Variants in DDAH1 observed in about 807,000 individuals in gnomAD.
The protein encoded by DDAH1 is N(G),N(G)-dimethylarginine dimethylaminohydrolase 1.
DDAH1 carries 19 observed loss-of-function variants against 28.8 expected under a neutral mutation model. That is an observed-to-expected ratio of 0.66 (90% CI 0.46 to 0.97). DDAH1 has a LOEUF of 0.97. DDAH1 is among the 50% of genes least tolerant of loss of function. The probability of loss-of-function intolerance (pLI) is 0.00; values close to 1 mark genes in which losing one functional copy is unlikely to be tolerated. For missense variants in DDAH1, 326 were observed against 375.9 expected (o/e 0.87, Z 1.10); for synonymous variants, 153 against 154.4 (o/e 0.99, Z 0.07).
chr1:85,512,188 G>T (rs1354074126), intron 1 of DDAH1, among the ~76,000 whole-genome samples: 1 of 152,100 alleles, frequency 6.6e-6, no homozygotes, highest in African/African-American at 2.4e-5. Context: ...TGCAAGGCTG[G>T]TTCAACATAC....
chr1:85,513,663 A>G (rs556375535), intron 1 of DDAH1, among the ~76,000 whole-genome samples: 1 of 152,194 alleles, frequency 6.6e-6, no homozygotes, highest in Non-Finnish European at 1.5e-5. Context: ...AAGAAAAAAA[A>G]CAAACAACCC....
At chr1:85,472,345 G>A (rs1655646312) in intron 2 of DDAH1, among the ~76,000 whole-genome samples, 1 of 152,158 alleles carries the variant, frequency 6.6e-6, no homozygotes, top group Non-Finnish European at 1.5e-5. Context: ...CTACATGGCT[G>A]TCCATACTTT....
intron 1 of DDAH1, among the ~76,000 whole-genome samples, chr1:85,443,343 G>A (rs1459663384): frequency 2.6e-5 from 4 of 152,142 alleles, no homozygotes; most frequent in Non-Finnish European, 5.9e-5. Context: ...TTGTAGATGT[G>A]TGGTATTATT....
rs184549855 is a variant in DDAH1, at chr1:85,318,993, A to C, written c.*2459T>G. ...AGTAATTCTGACTTAACTTTTACTT[A>C]GTTAAATATAATTTCTCCTGTCTTT... On this transcript the variant is annotated 3_prime_UTR_variant, in exon 6 of 6. Coordinates refer to ENST00000284031, the MANE Select transcript of DDAH1 (RefSeq NM_012137.4). The C allele has an allele frequency of 2.8e-4, 43 of 152,366 alleles. No individual in the cohort carries two copies. The highest frequency in any genetic ancestry group is 1.0e-3 in the African/African-American group (43 of 41,598). 9.4% of individuals were successfully genotyped at this position (152,366 alleles called of 1,614,324 possible).
intron 4 of DDAH1, among the ~76,000 whole-genome samples, chr1:85,334,568 TG>T (rs1647991243): frequency 6.6e-6 from 1 of 152,158 alleles, no homozygotes; most frequent in Non-Finnish European, 1.5e-5. Context: ...TCACAAGATC[TG>T]ATGGTTTAAA....
In DDAH1 at chr1:85,442,977, G is replaced by C. The variant is rs560285016; in HGVS notation, c.303+21766C>G. On this transcript the variant is annotated intron_variant, in intron 1 of 5. Transcript: ENST00000284031. ...AAAATTTTCTCCCATTCTGTAGGCT[G>C]CCTGTTCACTGTGATGGTAGTTTCT... 7.9e-5 allele frequency among the ~76,000 whole-genome samples: 12 copies of C among 152,306 alleles called. No individual in the cohort carries two copies. The East Asian group carries it at 2.1e-3, about 27-fold the overall frequency.
intron 1 of DDAH1, among the ~76,000 whole-genome samples, chr1:85,511,359 A>T (rs1183624137): frequency 6.6e-6 from 1 of 152,232 alleles, no homozygotes; most frequent in Non-Finnish European, 1.5e-5. Flanking sequence ...CAGTGTGTAG[A>T]GGGAAATTTA....
intron 1 of DDAH1, chr1:85,404,525 T>C (rs1652312746): frequency 7.1e-7 from 1 of 1,400,264 alleles, no homozygotes; most frequent in Non-Finnish European, 9.3e-7. Flanking sequence ...GAGCAAATAA[T>C]AACACTAACT....
chr1:85,488,365 T>C (rs187726670), intron 2 of DDAH1: 1 of 152,270 alleles, frequency 6.6e-6, no homozygotes, highest in Non-Finnish European at 1.5e-5. Flanking sequence ...TTCCTGGTTT[T>C]CAGATGGCTT....
At chr1:85,395,097 G>T (rs749027030) in intron 1 of DDAH1, among the ~76,000 whole-genome samples, 10 of 152,044 alleles carry the variant, frequency 6.6e-5, no homozygotes, top group Non-Finnish European at 1.3e-4. Context: ...ATTATAAAAA[G>T]TCATGAGAAT....
intron 1 of DDAH1, among the ~76,000 whole-genome samples, chr1:85,511,862 C>T (rs1337029639): frequency 2.6e-5 from 4 of 152,082 alleles, no homozygotes; most frequent in Non-Finnish European, 4.4e-5. Flanking sequence ...AATCAATAGC[C>T]TACCAACCAA....
chr1:85,567,134 CTCAG>C, intron 1 of DDAH1, among the ~76,000 whole-genome samples: 1 of 152,220 alleles, frequency 6.6e-6, no homozygotes, highest in African/African-American at 2.4e-5. Context: ...ATCTGCTTTA[CTCAG>C]TCTACTGATT....
chr1:85,438,516 G>T (rs1023103365), intron 1 of DDAH1, among the ~76,000 whole-genome samples: 1 of 152,126 alleles, frequency 6.6e-6, no homozygotes. Flanking sequence ...GGAAATGACT[G>T]CAGACTTCTG....
chr1:85,503,738 T>C (rs902022965), intron 1 of DDAH1, among the ~76,000 whole-genome samples: 4 of 151,764 alleles, frequency 2.6e-5, no homozygotes, highest in Non-Finnish European at 5.9e-5. Flanking sequence ...CAGTGGTAAG[T>C]GATGAGAAGA....
At chr1:85,400,691 C>T (rs1652059610) in intron 1 of DDAH1, among the ~76,000 whole-genome samples, 1 of 152,170 alleles carries the variant, frequency 6.6e-6, no homozygotes, top group Non-Finnish European at 1.5e-5. Flanking sequence ...ATTTTCACTT[C>T]TCAGAATCTG....
chr1:85,424,754 A>AT (rs970368999), intron 1 of DDAH1, among the ~76,000 whole-genome samples: 1 of 151,878 alleles, frequency 6.6e-6, no homozygotes, highest in Non-Finnish European at 1.5e-5. Context: ...ATTAAATTTA[A>AT]TTTTTTTTAA....
chr1:85,544,754 G>A (rs1658569464), intron 1 of DDAH1, among the ~76,000 whole-genome samples: 1 of 152,122 alleles, frequency 6.6e-6, no homozygotes, highest in African/African-American at 2.4e-5. Flanking sequence ...GGGCACAGTA[G>A]CTGACTATCA....
intron 1 of DDAH1, among the ~76,000 whole-genome samples, chr1:85,556,424 A>T (rs1262283777): frequency 6.6e-6 from 1 of 152,204 alleles, no homozygotes; most frequent in Non-Finnish European, 1.5e-5. Context: ...ATGTTCCTAC[A>T]TGCGGGTGAG....
chr1:85,463,743 A>C (rs1655226771), intron 1 of DDAH1, among the ~76,000 whole-genome samples: 1 of 152,220 alleles, frequency 6.6e-6, no homozygotes, highest in Admixed American at 6.5e-5. Flanking sequence ...TAGAAAAAAA[A>C]TTCTTAAATC....
Sources: gnomAD v4.1 joint callset for allele counts (sites outside exome capture counted in the v4.1 genomes callset) on GRCh38, gnomAD v4.1.1 for gene constraint, MANE v1.5 for transcripts, NCBI Gene and HGNC (gene_info 2026-07-23, HGNC 2026-07-21) for gene names.